PARD3: variants seen among roughly 807,000 people sequenced by gnomAD.
PARD3 encodes the protein partitioning defective 3 homolog.
In PARD3, 75 loss-of-function variants were observed where a neutral mutation model predicts 155.4. That is an observed-to-expected ratio of 0.48 (90% CI 0.40 to 0.58). PARD3 has a LOEUF of 0.58. Among genes scored for constraint, PARD3 ranks in the 20% least tolerant of loss-of-function variants. The pLI is 0.00. For missense variants in PARD3, 1,642 were observed against 1,721.7 expected (o/e 0.95, Z 0.82); for synonymous variants, 576 against 610.5 (o/e 0.94, Z 0.83).
chr10:34,431,928 G>A lies in PARD3; in HGVS notation c.714+18389C>T, dbSNP rs190275549. Among the ~76,000 whole-genome samples the A allele has an allele frequency of 6.3e-4, 93 of 148,530 alleles. No individual in the cohort carries two copies. The East Asian group carries it at 0.018, about 29-fold the overall frequency. On this transcript the variant is annotated intron_variant, in intron 5 of 24. Transcript: ENST00000374788. Reference sequence around the variant, plus strand: ...GTGGTGGCGGGCACCTGTAGTCCCAGCTACTCGGGAGGCTGAGGCAGGAGA... The same window carrying A: ...GTGGTGGCGGGCACCTGTAGTCCCAACTACTCGGGAGGCTGAGGCAGGAGA...
intron 15 of PARD3, chr10:34,343,891 T>A: frequency 1.0e-6 from 1 of 983,638 alleles, no homozygotes; most frequent in Non-Finnish European, 1.2e-6. Context: ...TACTAAACAT[T>A]TATTCATTGG....
chr10:34,489,702 G>A (rs956367771), intron 3 of PARD3, among the ~76,000 whole-genome samples: 1 of 152,230 alleles, frequency 6.6e-6, no homozygotes, highest in African/African-American at 2.4e-5. Flanking sequence ...TAAGGAAAGA[G>A]TAATGTAAAA....
At chr10:34,261,526 T>C (rs1018751788) in intron 22 of PARD3, among the ~76,000 whole-genome samples, 1 of 151,636 alleles carries the variant, frequency 6.6e-6, no homozygotes, top group African/African-American at 2.4e-5. Flanking sequence ...CTGCCTCTAC[T>C]AAAAATACAA....
Position 34,216,233 on chromosome 10 carries a change from A to G in PARD3, c.3419+53424T>C, listed in dbSNP as rs187761194. On this transcript the variant is annotated intron_variant, in intron 22 of 24. Transcript: ENST00000374788. ...TAGGAAACATGCACAAAATTGAGCAAGTGGGATATACCACTTTAACAATAA... is the reference window on the plus strand; with the variant it reads ...TAGGAAACATGCACAAAATTGAGCAGGTGGGATATACCACTTTAACAATAA... 4.6e-5 allele frequency among the ~76,000 whole-genome samples: 7 copies of G among 152,360 alleles called. No individual in the cohort carries two copies. The East Asian group carries it at 1.3e-3, about 29-fold the overall frequency.
chr10:34,489,785 T>C (rs910192432), intron 3 of PARD3, among the ~76,000 whole-genome samples: 3 of 152,252 alleles, frequency 2.0e-5, no homozygotes, highest in East Asian at 1.9e-4. Context: ...GCATTCACTA[T>C]GGGTTATGTA....
intron 1 of PARD3, among the ~76,000 whole-genome samples, chr10:34,748,775 G>A (rs1590935712): frequency 1.3e-5 from 2 of 152,160 alleles, no homozygotes; most frequent in Non-Finnish European, 2.9e-5. Flanking sequence ...GCTCCCTGCT[G>A]CAGTGCAGGC....
At chr10:34,276,681 T>C (rs147063207) in intron 21 of PARD3, among the ~76,000 whole-genome samples, 1 of 152,248 alleles carries the variant, frequency 6.6e-6, no homozygotes, top group Non-Finnish European at 1.5e-5. Context: ...CCAAACTCCT[T>C]AGGATGGAAA....
At chr10:34,614,810 A>G (rs945097834) in intron 2 of PARD3, among the ~76,000 whole-genome samples, 7 of 152,216 alleles carry the variant, frequency 4.6e-5, no homozygotes, top group African/African-American at 1.7e-4. Context: ...ATGAAACCAC[A>G]AAAGACCTCA....
chr10:34,517,113 C>T lies in PARD3; in HGVS notation c.269G>A (p.Gly90Asp), dbSNP rs1391781144. The change falls in exon 3 of 25, where the codon GGC becomes GAC. Residue 90 changes from glycine (G) to aspartate (D), a missense_variant. This residue lies in a region of PARD3 where 38 missense variants were observed against 69.1 expected (regional missense o/e 0.55). Coordinates refer to ENST00000374788, the MANE Select transcript of PARD3 (RefSeq NM_001184785.2). ...GGTACCCGTGGAACTGGCACTGGTG[C>T]CATCACCTCCGTGATGTGGATCCTG... Reference protein sequence around the residue: ...DEQDPHHGGDGTSASSTGTQS... With the variant: ...DEQDPHHGGDDTSASSTGTQS... 2.5e-6 allele frequency: 4 copies of T among 1,614,118 alleles called. No homozygotes were observed. The South Asian group carries it at 4.4e-5, about 18-fold the overall frequency.
chr10:34,279,387 CT>C (rs1026201612), intron 21 of PARD3, among the ~76,000 whole-genome samples: 3 of 151,834 alleles, frequency 2.0e-5, no homozygotes, highest in African/African-American at 7.3e-5. Context: ...TCTCATTTAC[CT>C]GTGCAATGAA....
chr10:34,256,125 G>A (rs969709627), intron 22 of PARD3, among the ~76,000 whole-genome samples: 5 of 152,164 alleles, frequency 3.3e-5, no homozygotes, highest in Non-Finnish European at 7.3e-5. Flanking sequence ...TTTAAAGTTC[G>A]GAATATCATA....
At chr10:34,383,938 G>A (rs548435733) in intron 8 of PARD3, among the ~76,000 whole-genome samples, 191 bp downstream of exon 8, 7 of 152,302 alleles carry the variant, frequency 4.6e-5, no homozygotes, top group Non-Finnish European at 5.9e-5. Context: ...ATATCCATCA[G>A]AGGACATTTT....
chr10:34,507,533 GATCA>G (rs1308680155), intron 3 of PARD3, among the ~76,000 whole-genome samples: 3 of 52,700 alleles, frequency 5.7e-5, no homozygotes, highest in Middle Eastern at 8.3e-3. Context: ...GTGACATTCA[GATCA>G]ATTAAAAAAA....
chr10:34,118,058 T>G (rs1356023608), intron 24 of PARD3, among the ~76,000 whole-genome samples: 1 of 152,174 alleles, frequency 6.6e-6, no homozygotes, highest in Non-Finnish European at 1.5e-5. Context: ...GCTGTTTCCT[T>G]GTAAGATAAG....
intron 19 of PARD3, among the ~76,000 whole-genome samples, chr10:34,327,581 C>T (rs758380989): frequency 6.6e-6 from 1 of 152,122 alleles, no homozygotes; most frequent in Non-Finnish European, 1.5e-5. Flanking sequence ...AGGAAAAGTG[C>T]CACATGATGA....
At chr10:34,691,298 A>C (rs2094057069) in intron 2 of PARD3, among the ~76,000 whole-genome samples, 1 of 152,222 alleles carries the variant, frequency 6.6e-6, no homozygotes, top group Non-Finnish European at 1.5e-5. Context: ...ACACACCAAC[A>C]ACATCCAAAC....
intron 19 of PARD3, among the ~76,000 whole-genome samples, chr10:34,321,780 CCAA>C (rs995651958): frequency 6.6e-5 from 10 of 152,140 alleles, no homozygotes; most frequent in Non-Finnish European, 1.3e-4. Context: ...GACTGGATCA[CCAA>C]CAAGTTTGGA....
chr10:34,350,572 G>A (rs780197991), intron 14 of PARD3, among the ~76,000 whole-genome samples: 55 of 144,776 alleles, frequency 3.8e-4, no homozygotes, highest in Non-Finnish European at 7.2e-4. Context: ...GGCAGAGGTT[G>A]CAGTGAGCCG....
At chr10:34,532,161 G>T (rs970733661) in intron 2 of PARD3, among the ~76,000 whole-genome samples, 2 of 152,090 alleles carry the variant, frequency 1.3e-5, no homozygotes, top group African/African-American at 4.8e-5. Context: ...TTAACTTCTT[G>T]TAACAGATTT....
Sources: gnomAD v4.1 joint callset for allele counts (sites outside exome capture counted in the v4.1 genomes callset) on GRCh38, gnomAD v4.1.1 for gene constraint, gnomAD v4.1.1 regional missense constraint, MANE v1.5 for transcripts, NCBI Gene and HGNC (gene_info 2026-07-23, HGNC 2026-07-21) for gene names.